Variants in IQANK1 observed in about 807,000 individuals in gnomAD.
IQANK1 encodes the protein IQ motif and ankyrin repeat containing 1, also known as IQ motif and ankyrin repeat domain-containing protein 1.
A neutral mutation model predicts 22.6 loss-of-function variants in IQANK1; 30 were observed. The observed-to-expected ratio is 1.33, with a 90% confidence interval of 0.99 to 1.80. The LOEUF (loss-of-function observed/expected upper bound fraction) is 1.80. IQANK1 is among the 40% of genes most tolerant of loss of function. IQANK1 has a pLI of 0.00. For missense variants in IQANK1, 275 were observed against 235.2 expected, an observed-to-expected ratio of 1.17 and a Z score of -1.11; for synonymous variants, 122 against 99.6, an observed-to-expected ratio of 1.23 and a Z score of -1.34.
At chr8:143,756,975 CTAA>C (rs1819304653) in intron 3 of IQANK1, among the ~76,000 whole-genome samples, 2 of 136,634 alleles carry the variant, frequency 1.5e-5, no homozygotes, top group Non-Finnish European at 3.2e-5. Context: ...AGGACCCTGT[CTAA>C]AAAAAAAAAA....
chr8:143,748,630 C>A (rs1416053967), intron 3 of IQANK1, among the ~76,000 whole-genome samples: 27 of 114,704 alleles, frequency 2.4e-4, no homozygotes, highest in African/African-American at 7.3e-4. Context: ...TATAATATAT[C>A]ATATATAAAT....
intron 3 of IQANK1, among the ~76,000 whole-genome samples, chr8:143,768,368 TG>T (rs1351516189): frequency 1.3e-5 from 2 of 151,912 alleles, no homozygotes; most frequent in Non-Finnish European, 2.9e-5. Flanking sequence ...GATCACTTAG[TG>T]GGGGGGTTTC....
chr8:143,735,867 A>C lies in IQANK1; in HGVS notation c.14A>C (p.Lys5Thr). ...CCCCCCAGGAGAATGGACAGTAAGA[A>C]GGGGAGACCCAAAGCTGCAGCTGGG... MDSK[K>T]GRPKAAAGKW... Residue 5 changes from lysine to threonine, a missense_variant, in exon 2 of 14, where the codon AAG becomes ACG. Coordinates refer to ENST00000527139, the MANE Select transcript of IQANK1 (RefSeq NM_001381874.1). This position sits in a 1 kb window ranked among gnomAD's most constrained non-coding sequence, Gnocchi z 5.2. 2 of 702,594 alleles carry C rather than the reference A, an allele frequency of 2.8e-6. No individual in the cohort carries two copies. Among genetic ancestry groups the C allele is most frequent in the Non-Finnish European group, 5.2e-6 (2 of 384,912 alleles). The allele number at this position is 702,594 out of a possible 1,614,324, so 43.5% of individuals were successfully genotyped here.
intron 7 of IQANK1, among the ~76,000 whole-genome samples, chr8:143,781,488 T>C (rs1819797719): frequency 6.6e-6 from 1 of 152,188 alleles, no homozygotes. Flanking sequence ...CATCTTGAGT[T>C]GATTTTTATG....
chr8:143,790,144 CTT>C lies in IQANK1; in HGVS notation c.1298_1299del (p.Leu433ArgfsTer3), dbSNP rs142284934. 8.2e-4 allele frequency: 1,009 copies of C among 1,232,058 alleles called. 1 individual carries two copies. Among genetic ancestry groups the C allele is most frequent in the Non-Finnish European group, 9.6e-4 (949 of 987,972 alleles). The allele number at this position is 1,232,058 out of a possible 1,614,324, so 76.3% of individuals were successfully genotyped here. A position where few individuals can be genotyped will look rare whatever the true frequency, so the allele number is the denominator to read the frequency against. On this transcript the variant is annotated frameshift_variant, in exon 13 of 14. Coordinates refer to ENST00000527139, the MANE Select transcript of IQANK1 (RefSeq NM_001381874.1). LOFTEE classifies it high-confidence loss of function. ...CCTGATGGGTGTCCCCAGGTGGCCT[CTT>C]GTTATTGACCCTTTGGGCCAGGCGG... is the stretch of plus-strand genomic sequence containing the variant. ...NRIRADGRWP[L>X]VIDPLGQAAT... is the part of the protein sequence containing the mutation.
chr8:143,759,062 G>A (rs1587481417), intron 3 of IQANK1: 1 of 260,618 alleles, frequency 3.8e-6, no homozygotes. Flanking sequence ...CCTGGGATGA[G>A]GTCCTGCATT....
chr8:143,761,914 T>C (rs1819404469), intron 3 of IQANK1, among the ~76,000 whole-genome samples: 2 of 151,792 alleles, frequency 1.3e-5, no homozygotes, highest in Non-Finnish European at 2.9e-5. Flanking sequence ...TCTCCCTCTA[T>C]AGGACATATA....
intron 3 of IQANK1, among the ~76,000 whole-genome samples, chr8:143,767,713 C>T (rs114987343): frequency 7.9e-5 from 12 of 151,568 alleles, no homozygotes; most frequent in East Asian, 6.0e-4. Context: ...TTTTCTTTCA[C>T]GACCTTGACA....
intron 7 of IQANK1, among the ~76,000 whole-genome samples, chr8:143,773,352 G>A (rs1819623095): frequency 6.6e-6 from 1 of 151,796 alleles, no homozygotes; most frequent in African/African-American, 2.4e-5. Flanking sequence ...TCTGCCCTGG[G>A]CCAGGCTGGA....
rs142900686 is a variant in IQANK1 at position 143,747,985 on chromosome 8, CTTTCCTTTCT to C, written c.175+8052_175+8061del. ...TTCCTTTCCTTTCCCTTTCCTTTCCCTTTCCTTTCTTTTCCTTTCTTTTCTTTTCTTAGGG... is the reference window on the plus strand; with the variant it reads ...TTCCTTTCCTTTCCCTTTCCTTTCCCTTTCCTTTCTTTTCTTTTCTTAGGG... On this transcript the variant is annotated intron_variant, in intron 3 of 13. Coordinates refer to ENST00000527139, the MANE Select transcript of IQANK1 (RefSeq NM_001381874.1). Among the ~76,000 whole-genome samples, 1,073 of 119,076 alleles carry C rather than the reference CTTTCCTTTCT, an allele frequency of 9.0e-3. 12 individuals carry two copies. The highest frequency in any genetic ancestry group is 0.026 in the African/African-American group (814 of 31,158). 78.1% of individuals were successfully genotyped at this position (119,076 alleles called of 152,430 possible).
At chr8:143,761,240 C>T (rs1296267882) in intron 3 of IQANK1, among the ~76,000 whole-genome samples, 1 of 152,168 alleles carries the variant, frequency 6.6e-6, no homozygotes, top group African/African-American at 2.4e-5. Flanking sequence ...CCTTTACCCC[C>T]GGGGCCCCGC....
At chr8:143,778,663 A>G (rs782716097) in intron 7 of IQANK1, among the ~76,000 whole-genome samples, 1 of 152,182 alleles carries the variant, frequency 6.6e-6, no homozygotes, top group Non-Finnish European at 1.5e-5. Flanking sequence ...CCATCCCTTC[A>G]TCATTCATCA....
intron 3 of IQANK1, among the ~76,000 whole-genome samples, chr8:143,752,724 T>C (rs1284978205): frequency 1.3e-5 from 2 of 152,236 alleles, no homozygotes; most frequent in Admixed American, 6.5e-5. Flanking sequence ...AGTAACATGC[T>C]GTACATATTT....
intron 7 of IQANK1, among the ~76,000 whole-genome samples, chr8:143,777,477 T>C (rs1467018502): frequency 2.2e-5 from 3 of 138,758 alleles, no homozygotes; most frequent in Admixed American, 8.0e-5. Context: ...GCTGAGATCA[T>C]GCCACTGCAC....
intron 1 of IQANK1, among the ~76,000 whole-genome samples, chr8:143,734,903 A>AGGCCCTCACTTAGGGCCCCTCC (rs1818688782): frequency 8.4e-6 from 1 of 118,678 alleles, no homozygotes; most frequent in South Asian, 2.6e-4. Flanking sequence ...GGTCCCCCTC[A>AGGCCCTCACTTAGGGCCCCTCC]GGCCCTCACT....
At chr8:143,760,422 T>C (rs1313636535) in intron 3 of IQANK1, 2 of 151,196 alleles carry the variant, frequency 1.3e-5, no homozygotes, top group Admixed American at 6.6e-5. Flanking sequence ...ACGCCTGTAA[T>C]CCCAGCTCTT....
intron 7 of IQANK1, among the ~76,000 whole-genome samples, chr8:143,785,368 TGCCTCA>T (rs1819867234): frequency 6.7e-6 from 1 of 150,114 alleles, no homozygotes; most frequent in Non-Finnish European, 1.5e-5. Context: ...GCGATTCTCA[TGCCTCA>T]GCCTCCCGAG....
chr8:143,751,669 T>TAC (rs1819196161), intron 3 of IQANK1, among the ~76,000 whole-genome samples: 1 of 135,048 alleles, frequency 7.4e-6, no homozygotes, highest in Non-Finnish European at 1.6e-5. Flanking sequence ...TGTGTGTATA[T>TAC]ATATATATAA....
At chr8:143,738,222 G>A (rs1258556745) in intron 2 of IQANK1, among the ~76,000 whole-genome samples, 3 of 152,176 alleles carry the variant, frequency 2.0e-5, no homozygotes, top group East Asian at 1.9e-4. Context: ...ACTCGACTTC[G>A]TTTCCCAGAC....
Sources: allele counts gnomAD v4.1 joint callset (sites outside exome capture counted in the v4.1 genomes callset), GRCh38; gene constraint gnomAD v4.1.1; non-coding constraint Gnocchi (gnomAD v3.1); transcripts MANE v1.5; gene names NCBI Gene and HGNC (gene_info 2026-07-23, HGNC 2026-07-21).